The following CHCHD6 variants were observed in gnomAD, a reference collection of about 807,000 sequenced individuals.
The protein encoded by CHCHD6 is MICOS complex subunit MIC25.
Under a neutral mutation model 32.3 loss-of-function variants are expected in CHCHD6, and 28 were observed. That is an observed-to-expected ratio of 0.87 (90% CI 0.64 to 1.19). CHCHD6 has a LOEUF of 1.19. Ranked by LOEUF, CHCHD6 falls within the 50% of genes most tolerant of loss-of-function variation. The pLI, the probability that CHCHD6 is intolerant of heterozygous loss-of-function variation, is 0.00. For missense variants in CHCHD6, 333 were observed against 307.0 expected (o/e 1.08, Z -0.63); for synonymous variants, 122 against 117.5 (o/e 1.04, Z -0.25).
Position 126,788,285 on chromosome 3 carries a change from T to A in CHCHD6, c.411+55063T>A, listed in dbSNP as rs1169458283. Among the ~76,000 whole-genome samples, 3 of 152,226 alleles carry A rather than the reference T, an allele frequency of 2.0e-5. No homozygotes were observed. The East Asian group carries it at 5.8e-4, about 29-fold the overall frequency. On this transcript the variant is annotated intron_variant, in intron 4 of 7. Transcript: ENST00000290913. Reference sequence around the variant, plus strand: ...CTTCAGGGATATTGGTCTAAAATTCTCTTTTTTGGTTGTGTCTCTGCCAGG... The same window carrying A: ...CTTCAGGGATATTGGTCTAAAATTCACTTTTTTGGTTGTGTCTCTGCCAGG...
intron 6 of CHCHD6, among the ~76,000 whole-genome samples, chr3:126,923,985 C>G (rs1229232230): frequency 1.3e-5 from 2 of 152,196 alleles, no homozygotes; most frequent in Non-Finnish European, 2.9e-5. Flanking sequence ...GAGATGCTCA[C>G]CTGTGTGCAT....
chr3:126,840,944 G>A (rs368480013), intron 4 of CHCHD6, among the ~76,000 whole-genome samples: 4 of 151,782 alleles, frequency 2.6e-5, no homozygotes, highest in African/African-American at 4.8e-5. Flanking sequence ...TGCACATTGT[G>A]CAGGTTAGTT....
chr3:126,851,920 A>T (rs1461435916), intron 4 of CHCHD6, among the ~76,000 whole-genome samples: 1 of 152,224 alleles, frequency 6.6e-6, no homozygotes, highest in Non-Finnish European at 1.5e-5. Flanking sequence ...GGCTGGGTTC[A>T]ACCTGACATC....
At chr3:126,945,540 G>T (rs2078623734) in intron 6 of CHCHD6, among the ~76,000 whole-genome samples, 1 of 147,326 alleles carries the variant, frequency 6.8e-6, no homozygotes, top group African/African-American at 2.5e-5. Context: ...TGAATAGAGA[G>T]ACTCGGGACG....
At chr3:126,872,050 T>G (rs947822579) in intron 5 of CHCHD6, among the ~76,000 whole-genome samples, 2 of 152,182 alleles carry the variant, frequency 1.3e-5, no homozygotes, top group African/African-American at 4.8e-5. Context: ...TGTCTTCCCC[T>G]TAGGGTGTGG....
rs979106332 is a variant in CHCHD6 at position 126,799,191 on chromosome 3, G to C, written c.412-53456G>C. On this transcript the variant is annotated intron_variant, in intron 4 of 7. Transcript: ENST00000290913. ...AGCATTCAGCCAGGAACTTGGTGGG[G>C]ACTGAAAAATAAAAAGGTGTTGAAC... is the stretch of plus-strand genomic sequence containing the variant. Among the ~76,000 whole-genome samples, 19 of 152,164 alleles carry C rather than the reference G, an allele frequency of 1.2e-4. 1 individual carries two copies. The highest frequency in any genetic ancestry group is 9.7e-5 in the African/African-American group (4 of 41,424).
At chr3:126,889,536 C>T (rs1441893994) in intron 5 of CHCHD6, among the ~76,000 whole-genome samples, 1 of 152,212 alleles carries the variant, frequency 6.6e-6, no homozygotes, top group African/African-American at 2.4e-5. Flanking sequence ...CCTGCTGAGC[C>T]ACTGGCTGGC....
intron 4 of CHCHD6, among the ~76,000 whole-genome samples, chr3:126,789,983 T>A (rs1191603674): frequency 2.0e-5 from 3 of 152,210 alleles, no homozygotes; most frequent in Non-Finnish European, 4.4e-5. Flanking sequence ...TTTCCATGTT[T>A]AGTGCTTGCT....
chr3:126,709,571 G>T (rs1371628024), intron 1 of CHCHD6, among the ~76,000 whole-genome samples: 1 of 152,198 alleles, frequency 6.6e-6, no homozygotes, highest in East Asian at 1.9e-4. Flanking sequence ...TAAAGAAACT[G>T]CTGAACTGTT....
chr3:126,816,510 G>A (rs761614640), intron 4 of CHCHD6, among the ~76,000 whole-genome samples: 29 of 152,132 alleles, frequency 1.9e-4, no homozygotes, highest in Non-Finnish European at 4.0e-4. Flanking sequence ...CTTCAGGAAG[G>A]GTCTGGCTTG....
intron 4 of CHCHD6, among the ~76,000 whole-genome samples, chr3:126,839,280 A>G (rs1183481791): frequency 6.6e-6 from 1 of 152,166 alleles, no homozygotes; most frequent in Non-Finnish European, 1.5e-5. Context: ...CCAGGAATTT[A>G]TGGTTTAGGA....
At chr3:126,723,159 G>A (rs1287140467) in intron 1 of CHCHD6, among the ~76,000 whole-genome samples, 2 of 152,042 alleles carry the variant, frequency 1.3e-5, no homozygotes, top group Non-Finnish European at 2.9e-5. Context: ...CCATTGATAT[G>A]TTTGGTCTTC....
rs150142944 is a variant in CHCHD6 at position 126,725,784 on chromosome 3, G to T, written c.88-1294G>T. 2.7e-3 allele frequency among the ~76,000 whole-genome samples: 408 copies of T among 152,304 alleles called. 2 individuals carry two copies. Among genetic ancestry groups the T allele is most frequent in the South Asian group, 0.019 (91 of 4,832 alleles). ...TGCACTTTTATGTTATGGAGATGGTGTCTTTACTTAAGTCTTATGAACCAA... is the reference window on the plus strand; with the variant it reads ...TGCACTTTTATGTTATGGAGATGGTTTCTTTACTTAAGTCTTATGAACCAA... On this transcript the variant is annotated intron_variant, in intron 1 of 7. Coordinates refer to ENST00000290913, the MANE Select transcript of CHCHD6 (RefSeq NM_032343.3).
intron 6 of CHCHD6, chr3:126,949,681 G>T (rs1280537039): frequency 4.4e-6 from 1 of 228,494 alleles, no homozygotes; most frequent in East Asian, 1.8e-4. Context: ...GTGGACGGAA[G>T]GGAAGGCTGT....
At chr3:126,861,166 G>T in intron 5 of CHCHD6, among the ~76,000 whole-genome samples, 1 of 152,054 alleles carries the variant, frequency 6.6e-6, no homozygotes, top group South Asian at 2.1e-4. Flanking sequence ...TGTTGTCATT[G>T]TTCCTGGAGG....
intron 4 of CHCHD6, among the ~76,000 whole-genome samples, chr3:126,819,010 C>T (rs1940036479): frequency 1.3e-5 from 2 of 152,250 alleles, no homozygotes; most frequent in South Asian, 4.1e-4. Context: ...TAGCAGCAGC[C>T]CCTGTTGTAT....
chr3:126,930,314 G>A (rs371303099), intron 6 of CHCHD6, among the ~76,000 whole-genome samples: 33 of 152,306 alleles, frequency 2.2e-4, no homozygotes, highest in South Asian at 2.1e-3. Flanking sequence ...TGAAAATCCC[G>A]ACATTGAAGA....
At chr3:126,900,119 T>C (rs1377708950) in intron 5 of CHCHD6, among the ~76,000 whole-genome samples, 1 of 152,266 alleles carries the variant, frequency 6.6e-6, no homozygotes, top group Non-Finnish European at 1.5e-5. Flanking sequence ...GAAAGCTCAC[T>C]GTACACATAA....
At chr3:126,838,821 T>C (rs1940961111) in intron 4 of CHCHD6, among the ~76,000 whole-genome samples, 1 of 152,124 alleles carries the variant, frequency 6.6e-6, no homozygotes, top group Non-Finnish European at 1.5e-5. Flanking sequence ...TACTGTACTG[T>C]CTTAATGATT....
Sources: allele counts gnomAD v4.1 joint callset (sites outside exome capture counted in the v4.1 genomes callset), GRCh38; gene constraint gnomAD v4.1.1; transcripts MANE v1.5; gene names NCBI Gene and HGNC (gene_info 2026-07-23, HGNC 2026-07-21).